The following SEZ6 variants were observed in gnomAD, a reference collection of about 807,000 sequenced individuals.
The protein encoded by SEZ6 is seizure protein 6 homolog.
In SEZ6, 53 loss-of-function variants were observed where a neutral mutation model predicts 101.0. That is an observed-to-expected ratio of 0.52 (90% confidence interval 0.42 to 0.66). The LOEUF is 0.66. SEZ6 is among the 30% of genes least tolerant of loss of function. The pLI, the probability that SEZ6 is intolerant of heterozygous loss-of-function variation, is 0.00. For synonymous variants in SEZ6, 488 were observed against 512.2 expected (o/e 0.95, Z 0.64); for missense variants, 1,102 against 1,289.4 (o/e 0.85, Z 2.23).
rs2040856557 is a variant in SEZ6 at position 28,954,907 on chromosome 17, T to A, written c.*1055A>T. On this transcript the variant is annotated 3_prime_UTR_variant, in exon 17 of 17. Transcript: ENST00000317338. ...AGCATCATTCACCTGGCCATTGCTTTTTTTTTTTTTTTTTTTTTTTTTTCC... is the reference window on the plus strand; with the variant it reads ...AGCATCATTCACCTGGCCATTGCTTATTTTTTTTTTTTTTTTTTTTTTTCC... 7.2e-6 allele frequency: 1 copy of A among 139,666 alleles called. No homozygotes were observed. Among genetic ancestry groups the A allele is most frequent in the African/African-American group, 2.9e-5 (1 of 34,260 alleles). The allele number at this position is 139,666 out of a possible 1,614,324, so 8.7% of individuals were successfully genotyped here.
At position 28,957,339 on chromosome 17, in the gene SEZ6, G is replaced by A; in HGVS notation, c.2494+9C>T. On this transcript the variant is annotated intron_variant, in intron 12 of 16. Transcript: ENST00000317338. ...TAGAGGTTTTCCCTCCTACTCAATTGACACTTACGGAGACATTTAGGGGCC... is the reference window on the plus strand; with the variant it reads ...TAGAGGTTTTCCCTCCTACTCAATTAACACTTACGGAGACATTTAGGGGCC... 3 of 1,611,060 alleles carry A rather than the reference G, an allele frequency of 1.9e-6. No individual in the cohort carries two copies. The highest frequency in any genetic ancestry group is 2.5e-6 in the Non-Finnish European group (3 of 1,177,502).
At chr17:28,958,910 G>T in intron 10 of SEZ6, 115 bp downstream of exon 10, 2 of 1,189,858 alleles carry the variant, frequency 1.7e-6, no homozygotes, top group Non-Finnish European at 2.3e-6. Flanking sequence ...GTGATCCCTG[G>T]TGCTTTTCCA....
At chr17:29,002,316 G>C (rs9911696) in intron 1 of SEZ6, among the ~76,000 whole-genome samples, 1,562 of 152,244 alleles carry the variant, frequency 0.01, 30 homozygotes, top group African/African-American at 0.036. Context: ...CCCATATTTA[G>C]GCAGGCATGG....
At chr17:28,982,316 C>T (rs1437816671) in intron 1 of SEZ6, among the ~76,000 whole-genome samples, 2 of 152,330 alleles carry the variant, frequency 1.3e-5, no homozygotes, top group Non-Finnish European at 1.5e-5. Flanking sequence ...CAGGTTCAGC[C>T]TCAGAATCCT....
intron 11 of SEZ6, 21 bp downstream of exon 11, chr17:28,957,926 G>T (rs368036598): frequency 6.1e-5 from 98 of 1,600,712 alleles, no homozygotes; most frequent in Non-Finnish European, 8.0e-5. Flanking sequence ...GAAGGGGAGC[G>T]TGGGGAACAG....
intron 4 of SEZ6, among the ~76,000 whole-genome samples, chr17:28,965,338 G>A (rs1009954870): frequency 6.6e-6 from 1 of 151,828 alleles, no homozygotes; most frequent in African/African-American, 2.4e-5. Flanking sequence ...GGGGACGAGA[G>A]CGAGACTTCA....
chr17:28,960,231 G>C, intron 7 of SEZ6: 2 of 583,198 alleles, frequency 3.4e-6, no homozygotes, highest in Non-Finnish European at 6.1e-6. Context: ...TTTCTTAAGG[G>C]TTGAGGCCTT....
At position 28,979,662 on chromosome 17, in the gene SEZ6, C is replaced by A; in HGVS notation, c.858+18G>T. 1 of 1,613,904 alleles carries A rather than the reference C, an allele frequency of 6.2e-7. No homozygotes were observed. Among genetic ancestry groups the A allele is most frequent in the Non-Finnish European group, 8.5e-7 (1 of 1,179,820 alleles). ...ACACCCGCCCCAGCTTTGCCCTTGCCAGATCCAGATCACTCACCTTGATTT... is the reference window on the plus strand; with the variant it reads ...ACACCCGCCCCAGCTTTGCCCTTGCAAGATCCAGATCACTCACCTTGATTT... On this transcript the variant is annotated intron_variant, in intron 3 of 16. Transcript: ENST00000317338.
At chr17:28,960,416 C>G (rs2040958181) in intron 7 of SEZ6, 89 bp downstream of exon 7, 1 of 1,496,160 alleles carries the variant, frequency 6.7e-7, no homozygotes, top group African/African-American at 1.4e-5. Flanking sequence ...AGCATGGAGG[C>G]AGAGAGGGGT....
chr17:28,980,289 C>T (rs2041281325), intron 2 of SEZ6, among the ~76,000 whole-genome samples: 1 of 150,816 alleles, frequency 6.6e-6, no homozygotes, highest in Non-Finnish European at 1.5e-5. Context: ...CTCACTGCAA[C>T]CTCTGCCTCC....
At chr17:29,003,302 C>A (rs2041639837) in intron 1 of SEZ6, among the ~76,000 whole-genome samples, 1 of 152,228 alleles carries the variant, frequency 6.6e-6, no homozygotes, top group African/African-American at 2.4e-5. Context: ...GCCCAAGACG[C>A]CCCTGATGCC....
chr17:28,957,621 G>A, intron 11 of SEZ6, 82 bp from the exon 12 acceptor site: 1 of 1,445,926 alleles, frequency 6.9e-7, no homozygotes, highest in African/African-American at 1.4e-5. Context: ...TTCCAGGCCA[G>A]CTAACTTCTT....
At chr17:28,962,735 C>T (rs992152971) in intron 5 of SEZ6, among the ~76,000 whole-genome samples, 3 of 145,968 alleles carry the variant, frequency 2.1e-5, no homozygotes, top group Non-Finnish European at 4.5e-5. Context: ...GAGCGGACAT[C>T]GTGCCACTGC....
intron 16 of SEZ6, 77 bp from the exon 17 acceptor site, chr17:28,956,071 G>T (rs1340950910): frequency 3.1e-6 from 5 of 1,597,632 alleles, no homozygotes; most frequent in South Asian, 1.1e-5. Context: ...AAAAGTGAGA[G>T]GGCTTGGCAG....
intron 1 of SEZ6, 112 bp from the exon 2 acceptor site, chr17:28,982,151 C>G (rs908720719): frequency 7.0e-7 from 1 of 1,425,776 alleles, no homozygotes; most frequent in South Asian, 1.6e-5. Flanking sequence ...CCCTGAGGAG[C>G]GTGCTCACTG....
rs764471613 is a variant in SEZ6, at chr17:28,982,006, C to A, written c.89G>T (p.Gly30Val). 9 of 1,608,498 alleles carry A rather than the reference C, an allele frequency of 5.6e-6. No homozygotes were observed. The highest frequency in any genetic ancestry group is 7.6e-6 in the Non-Finnish European group (9 of 1,177,390). Residue 30 changes from glycine (G) to valine (V), a missense_variant, in exon 2 of 17, where the codon GGA (glycine) becomes GTA (valine). By Grantham distance (109) the Gly-to-Val change is moderately radical (BLOSUM62 -3). Around this residue, in one of 3 missense-constraint regions of SEZ6, gnomAD observed 406 missense variants for 418.6 expected, o/e 0.97. Transcript: ENST00000317338. Reference sequence around the variant, plus strand: ...TGTCTCCTCGATGCCTGGGGCTTGTCCTTTCCCCACGGTTGGGGCCTCTAA... The same window carrying A: ...TGTCTCCTCGATGCCTGGGGCTTGTACTTTCCCCACGGTTGGGGCCTCTAA... ...LSLEAPTVGK[G>V]QAPGIEETDG... is the part of the protein sequence containing the mutation.
chr17:28,962,564 A>T (rs1276691283), intron 5 of SEZ6, among the ~76,000 whole-genome samples: 1 of 150,576 alleles, frequency 6.6e-6, no homozygotes, highest in Non-Finnish European at 1.5e-5. Flanking sequence ...GGATCACCTG[A>T]GGTCAAGAGT....
At chr17:28,985,256 C>T (rs1185220453) in intron 1 of SEZ6, among the ~76,000 whole-genome samples, 1 of 152,204 alleles carries the variant, frequency 6.6e-6, no homozygotes, top group Admixed American at 6.5e-5. Context: ...GATCTCACGC[C>T]ATTTAGAAGT....
Position 28,981,579 on chromosome 17 carries a change from G to A in SEZ6, c.516C>T (p.Ala172=). Residue 172 remains alanine, a synonymous_variant, in exon 2 of 17, where the codon GCC becomes GCT. Transcript: ENST00000317338. Reference sequence around the variant, plus strand: ...AGGCTCTGCTGGGGGGTGTAGTGCTGGCTATCTCCCCTGGGCCTAGGGTGG... The same window carrying A: ...AGGCTCTGCTGGGGGGTGTAGTGCTAGCTATCTCCCCTGGGCCTAGGGTGG... The part of the protein sequence containing the change: ...AVPTLGPGEI[A]STTPPSRAWT... The A allele has an allele frequency of 6.2e-7, 1 of 1,610,820 alleles. No individual in the cohort carries two copies. Among genetic ancestry groups the A allele is most frequent in the Non-Finnish European group, 8.5e-7 (1 of 1,178,010 alleles).
Sources: gnomAD v4.1 joint callset for allele counts (sites outside exome capture counted in the v4.1 genomes callset) on GRCh38, gnomAD v4.1.1 for gene constraint, gnomAD v4.1.1 regional missense constraint, MANE v1.5 for transcripts, NCBI Gene and HGNC (gene_info 2026-07-23, HGNC 2026-07-21) for gene names.